Variants in KLF12 observed in about 807,000 individuals in gnomAD.
KLF12 encodes KLF transcription factor 12, also known as Krueppel-like factor 12.
A neutral mutation model predicts 37.8 loss-of-function variants in KLF12; 9 were observed. That is an observed-to-expected ratio of 0.24 (90% CI 0.14 to 0.42). KLF12 has a LOEUF of 0.42. Among genes scored for constraint, KLF12 ranks in the 10% least tolerant of loss-of-function variants. The pLI, the probability that KLF12 is intolerant of heterozygous loss-of-function variation, is 1.00. For missense variants in KLF12, 411 were observed against 516.0 expected, an observed-to-expected ratio of 0.80 and a Z score of 1.97; for synonymous variants, 208 against 202.1, an observed-to-expected ratio of 1.03 and a Z score of -0.25.
chr13:73,707,081 G>A (rs1875008125), intron 7 of KLF12, among the ~76,000 whole-genome samples: 1 of 152,154 alleles, frequency 6.6e-6, no homozygotes, highest in Non-Finnish European at 1.5e-5. Context: ...GACATGCATA[G>A]GAGCACGGTT....
At chr13:74,292,961 T>C in the KLF12 span, among the ~76,000 whole-genome samples, 46 of 152,222 alleles carry the variant, frequency 3.0e-4, no homozygotes, top group Non-Finnish European at 5.7e-4. Context: ...AAAATCATTG[T>C]TAATGAGCAT....
chr13:74,186,629 CTT>C, the KLF12 span, among the ~76,000 whole-genome samples: 1 of 152,132 alleles, frequency 6.6e-6, no homozygotes, highest in South Asian at 2.1e-4. Flanking sequence ...GTGTGTGAGA[CTT>C]TAGCTTTCCT....
In KLF12 at chr13:73,693,920, T is replaced by C. The variant is rs1873957803; in HGVS notation, c.*1570A>G. ...TGAAAGAATGCTCGTTGGTGATGTATTGCTTGTTTACTGTATATGTTCCTA... is the reference window on the plus strand; with the variant it reads ...TGAAAGAATGCTCGTTGGTGATGTACTGCTTGTTTACTGTATATGTTCCTA... On this transcript the variant is annotated 3_prime_UTR_variant, in exon 8 of 8. Coordinates refer to ENST00000377669, the MANE Select transcript of KLF12 (RefSeq NM_007249.5). 1 of 152,616 alleles carries C rather than the reference T, an allele frequency of 6.6e-6. No homozygotes were observed. Among genetic ancestry groups the C allele is most frequent in the Admixed American group, 6.5e-5 (1 of 15,280 alleles). The allele number at this position is 152,616 out of a possible 1,614,324, so 9.5% of individuals were successfully genotyped here.
chr13:74,205,774 C>A, the KLF12 span, among the ~76,000 whole-genome samples: 1 of 152,106 alleles, frequency 6.6e-6, no homozygotes, highest in Non-Finnish European at 1.5e-5. Flanking sequence ...TGAGGACACA[C>A]TTAGCTGAGT....
chr13:74,142,365 C>A, the KLF12 span, among the ~76,000 whole-genome samples: 3 of 152,218 alleles, frequency 2.0e-5, no homozygotes, highest in Non-Finnish European at 4.4e-5. Flanking sequence ...GAGAGTGAAG[C>A]AGCAGCACAT....
chr13:74,132,646 T>A (rs904684607), intron 1 of KLF12, among the ~76,000 whole-genome samples: 24 of 152,166 alleles, frequency 1.6e-4, no homozygotes, highest in African/African-American at 5.8e-4. Context: ...CTCAACACAG[T>A]CAGCTTTTAT....
chr13:73,972,347 A>C (rs370208162), intron 2 of KLF12, among the ~76,000 whole-genome samples: 169 of 152,204 alleles, frequency 1.1e-3, no homozygotes, highest in African/African-American at 3.9e-3. Flanking sequence ...AACAATCTTC[A>C]AAGTTCGACT....
chr13:73,723,162 T>C (rs1876397619), intron 6 of KLF12, among the ~76,000 whole-genome samples: 1 of 152,200 alleles, frequency 6.6e-6, no homozygotes, highest in South Asian at 2.1e-4. Context: ...ATCAAACTTT[T>C]ATGATGAAAT....
At chr13:73,849,178 T>G (rs1357305457) in intron 3 of KLF12, among the ~76,000 whole-genome samples, 1 of 152,108 alleles carries the variant, frequency 6.6e-6, no homozygotes, top group Non-Finnish European at 1.5e-5. Flanking sequence ...GTCTTACTCC[T>G]GAAATCATCA....
chr13:73,911,691 T>A (rs183345403), intron 3 of KLF12, among the ~76,000 whole-genome samples: 62 of 152,320 alleles, frequency 4.1e-4, no homozygotes, highest in Admixed American at 2.2e-3. Flanking sequence ...GAAGAGTACC[T>A]AGAATGTAAT....
At chr13:73,758,040 C>T in intron 6 of KLF12, among the ~76,000 whole-genome samples, 1 of 151,988 alleles carries the variant, frequency 6.6e-6, no homozygotes, top group Non-Finnish European at 1.5e-5. Context: ...TTCATTATGA[C>T]ATGACCATTG....
At chr13:74,135,624 C>CGGGAGGCTGT (rs1265425243), upstream of KLF12, among the ~76,000 whole-genome samples, 4 of 151,568 alleles carry the variant, frequency 2.6e-5, no homozygotes, top group East Asian at 7.8e-4. Flanking sequence ...CGGACGGAGG[C>CGGGAGGCTGT]GGGAGGCTGT....
At chr13:73,862,609 G>A (rs1885988467) in intron 3 of KLF12, among the ~76,000 whole-genome samples, 1 of 144,486 alleles carries the variant, frequency 6.9e-6, no homozygotes, top group Admixed American at 7.1e-5. Flanking sequence ...ACTATGTTTC[G>A]TGAAGAAAAA....
chr13:73,910,163 A>AT (rs1425899704), intron 3 of KLF12, among the ~76,000 whole-genome samples: 2 of 152,050 alleles, frequency 1.3e-5, no homozygotes, highest in Non-Finnish European at 2.9e-5. Context: ...AGCAGGCTTT[A>AT]TTTTTTCAGA....
At chr13:74,152,159 C>A in the KLF12 span, among the ~76,000 whole-genome samples, 1 of 152,154 alleles carries the variant, frequency 6.6e-6, no homozygotes, top group Non-Finnish European at 1.5e-5. Flanking sequence ...GCCTGAGAGA[C>A]CACCCAACAC....
upstream of KLF12, among the ~76,000 whole-genome samples, chr13:74,134,043 A>G (rs917944754): frequency 3.3e-5 from 5 of 151,430 alleles, no homozygotes; most frequent in African/African-American, 4.9e-5. Flanking sequence ...GCCCCGGTCT[A>G]GTGTGGGGAG....
chr13:74,159,238 C>T, the KLF12 span, among the ~76,000 whole-genome samples: 2 of 152,122 alleles, frequency 1.3e-5, no homozygotes, highest in Admixed American at 6.5e-5. Context: ...AGGGGACACC[C>T]TTCAGAAAAG....
the KLF12 span, among the ~76,000 whole-genome samples, chr13:74,173,905 C>T: frequency 6.6e-6 from 1 of 152,294 alleles, no homozygotes; most frequent in East Asian, 1.9e-4. Context: ...AGATCATAGG[C>T]CATTGTTTAT....
the KLF12 span, among the ~76,000 whole-genome samples, chr13:74,287,396 A>AGAGAGAGAGAG: frequency 8.4e-5 from 3 of 35,864 alleles, no homozygotes; most frequent in African/African-American, 1.1e-4. Context: ...GAGAGAGAGA[A>AGAGAGAGAGAG]TCCACCTCTA....
Sources: allele counts gnomAD v4.1 joint callset (sites outside exome capture counted in the v4.1 genomes callset), GRCh38; gene constraint gnomAD v4.1.1; transcripts MANE v1.5; gene names NCBI Gene and HGNC (gene_info 2026-07-23, HGNC 2026-07-21).